PPP6R2: variants seen among roughly 807,000 people sequenced by gnomAD.
PPP6R2 encodes protein phosphatase 6 regulatory subunit 2, also known as serine/threonine-protein phosphatase 6 regulatory subunit 2.
Under a neutral mutation model 100.2 loss-of-function variants are expected in PPP6R2, and 62 were observed. The ratio of observed to expected loss-of-function variants is 0.62; its 90% CI spans 0.50 to 0.76. PPP6R2 has a LOEUF of 0.76. Ranked by LOEUF, PPP6R2 falls within the 30% of genes least tolerant of loss-of-function variation. The probability of loss-of-function intolerance (pLI) is 0.00; values close to 1 mark genes in which losing one functional copy is unlikely to be tolerated. For synonymous variants in PPP6R2, 525 were observed against 514.7 expected (o/e 1.02, Z -0.27); for missense variants, 1,142 against 1,276.3 (o/e 0.89, Z 1.60).
At chr22:50,354,616 C>G (rs969101619) in intron 1 of PPP6R2, among the ~76,000 whole-genome samples, 1 of 151,674 alleles carries the variant, frequency 6.6e-6, no homozygotes, top group Non-Finnish European at 1.5e-5. Flanking sequence ...ACCTGAGGTC[C>G]GGAGTTTGAG....
Position 50,423,755 on chromosome 22 carries a change from C to T in PPP6R2, c.1125+141C>T. 9.2e-7 allele frequency: 1 copy of T among 1,084,422 alleles called. No homozygotes were observed. The highest frequency in any genetic ancestry group is 1.5e-5 in the South Asian group (1 of 65,822). 67.2% of individuals were successfully genotyped at this position (1,084,422 alleles called of 1,614,324 possible). On this transcript the variant is annotated intron_variant, in intron 10 of 23. Coordinates refer to ENST00000612753, the MANE Select transcript of PPP6R2 (RefSeq NM_001242898.2). This position sits in a 1 kb window ranked among gnomAD's most constrained non-coding sequence, Gnocchi z 4.8. ...GAGGTTCCAGTCCCAAGTCCCAAGGCTGGACTACAGGTCTCTGGCGGGGCA... is the reference window on the plus strand; with the variant it reads ...GAGGTTCCAGTCCCAAGTCCCAAGGTTGGACTACAGGTCTCTGGCGGGGCA...
Position 50,406,677 on chromosome 22 carries a change from G to T in PPP6R2, c.228-12G>T, listed in dbSNP as rs766234809. On this transcript the variant is annotated splice_polypyrimidine_tract_variant and intron_variant, in intron 3 of 23. Transcript: ENST00000612753. ...TAATTTCACCTCCAGTGCTTGGACT[G>T]TGCCCTTTTAGATATCCAAACACAG... 1.2e-6 allele frequency: 2 copies of T among 1,610,152 alleles called. No individual in the cohort carries two copies. The highest frequency in any genetic ancestry group is 2.2e-5 in the South Asian group (2 of 91,030).
At chr22:50,356,668 C>G (rs889216993) in intron 1 of PPP6R2, among the ~76,000 whole-genome samples, 36 of 152,138 alleles carry the variant, frequency 2.4e-4, no homozygotes, top group African/African-American at 8.0e-4. Context: ...TGTGGTGGCT[C>G]ACGCCTGTAA....
chr22:50,440,678 T>C (rs2065373947), intron 21 of PPP6R2, 144 bp from the exon 22 acceptor site: 3 of 921,704 alleles, frequency 3.3e-6, no homozygotes, highest in Non-Finnish European at 5.1e-6. Flanking sequence ...GTCTGCCTCA[T>C]CATGCGGCTC....
At chr22:50,339,827 TA>T (rs2042350667), upstream of PPP6R2, among the ~76,000 whole-genome samples, 1 of 52,938 alleles carries the variant, frequency 1.9e-5, no homozygotes, top group Non-Finnish European at 3.2e-5. Context: ...GTGGGGTATG[TA>T]GTGTGTGTGG....
chr22:50,434,968 C>T lies in PPP6R2; in HGVS notation c.1403C>T (p.Ala468Val). 6.2e-7 allele frequency: 1 copy of T among 1,602,700 alleles called. No individual in the cohort carries two copies. The highest frequency in any genetic ancestry group is 8.5e-7 in the Non-Finnish European group (1 of 1,176,750). ...CCGATGGTGCCTGTTGCTTTCAGGG[C>T]AGCGGGTGGCATGAGACGTGGGAAC... ...EAWEANDHTQ[A>V]AGGMRRGNMG... Residue 468 changes from alanine (A) to valine (V), a missense_variant and splice_region_variant, in exon 13 of 24, where the codon GCA becomes GTA. Ala to Val is a moderately conservative substitution (Grantham distance 64). Coordinates refer to ENST00000612753, the MANE Select transcript of PPP6R2 (RefSeq NM_001242898.2).
At chr22:50,380,528 T>C (rs1330189906) in intron 2 of PPP6R2, among the ~76,000 whole-genome samples, 1 of 151,002 alleles carries the variant, frequency 6.6e-6, no homozygotes, top group Non-Finnish European at 1.5e-5. Flanking sequence ...ACGCAGCTAA[T>C]TTTTGTATTT....
At chr22:50,365,474 C>T (rs1182177114) in intron 1 of PPP6R2, among the ~76,000 whole-genome samples, 3 of 151,834 alleles carry the variant, frequency 2.0e-5, no homozygotes, top group Admixed American at 6.6e-5. Flanking sequence ...GTCAGGAGAT[C>T]GAGACCATCC....
chr22:50,339,147 TGTG>T (rs1222846095), upstream of PPP6R2, among the ~76,000 whole-genome samples: 2 of 137,930 alleles, frequency 1.5e-5, no homozygotes, highest in East Asian at 4.5e-4. Flanking sequence ...TGGTTTGTGG[TGTG>T]TGTGTGGTAT....
chr22:50,438,661 A>G lies in PPP6R2; in HGVS notation c.2027A>G (p.Asp676Gly). The change falls in exon 19 of 24, where the codon GAT becomes GGT. Residue 676 changes from aspartate (D) to glycine (G), a missense_variant. Asp to Gly is a moderately conservative substitution (Grantham distance 94). This residue lies in a region of PPP6R2 where 550 missense variants were observed against 517.4 expected (regional missense o/e 1.06). Coordinates refer to ENST00000612753, the MANE Select transcript of PPP6R2 (RefSeq NM_001242898.2). ...AATGGCCCAGAGCGTGGAGGCCAGGATGGGAAGGCGAGCTTGGAAGCACAC... is the reference window on the plus strand; with the variant it reads ...AATGGCCCAGAGCGTGGAGGCCAGGGTGGGAAGGCGAGCTTGGAAGCACAC... ...SKNGPERGGQDGKASLEAHRD... is the reference protein window; with the variant it reads ...SKNGPERGGQGGKASLEAHRD... 6.2e-7 allele frequency: 1 copy of G among 1,613,932 alleles called. No homozygotes were observed. Among genetic ancestry groups the G allele is most frequent in the South Asian group, 1.1e-5 (1 of 91,076 alleles).
chr22:50,358,387 T>C (rs1339577459), intron 1 of PPP6R2, among the ~76,000 whole-genome samples: 1 of 152,172 alleles, frequency 6.6e-6, no homozygotes, highest in Non-Finnish European at 1.5e-5. Flanking sequence ...CTTAAGAAAA[T>C]TTTGCCTGCA....
chr22:50,416,187 A>C (rs768068966), intron 6 of PPP6R2, 30 bp downstream of exon 6: 28 of 1,599,618 alleles, frequency 1.8e-5, no homozygotes, highest in Non-Finnish European at 2.3e-5. Context: ...AGCTTCGTGC[A>C]TCAGTCCAGG....
intron 1 of PPP6R2, among the ~76,000 whole-genome samples, chr22:50,355,328 C>G (rs1228235033): frequency 6.6e-6 from 1 of 150,964 alleles, no homozygotes; most frequent in Non-Finnish European, 1.5e-5. Context: ...AGCTCCGCCT[C>G]CCAGGTTCAT....
upstream of PPP6R2, among the ~76,000 whole-genome samples, chr22:50,338,441 G>A (rs976361772): frequency 2.2e-5 from 3 of 138,446 alleles, no homozygotes; most frequent in African/African-American, 8.8e-5. Flanking sequence ...TGTGTGTAGA[G>A]TGTGTGGTGT....
At chr22:50,408,947 T>G (rs2147238248) in intron 4 of PPP6R2, among the ~76,000 whole-genome samples, 1 of 152,342 alleles carries the variant, frequency 6.6e-6, no homozygotes, top group Admixed American at 6.5e-5. Context: ...AAACCCCGTC[T>G]CTACTAAAAA....
intron 6 of PPP6R2, among the ~76,000 whole-genome samples, chr22:50,417,439 T>A (rs1034292476): frequency 6.6e-6 from 1 of 152,088 alleles, no homozygotes; most frequent in Non-Finnish European, 1.5e-5. Flanking sequence ...GCACCTAAGG[T>A]GACAATGGGG....
At chr22:50,433,812 G>A (rs1211092574) in intron 12 of PPP6R2, among the ~76,000 whole-genome samples, 1 of 33,624 alleles carries the variant, frequency 3.0e-5, no homozygotes, top group Non-Finnish European at 5.5e-5. Context: ...GGCAGGGGCC[G>A]GGCATTTGCC....
chr22:50,355,687 A>AT (rs1285923223), intron 1 of PPP6R2, among the ~76,000 whole-genome samples: 1 of 146,068 alleles, frequency 6.8e-6, no homozygotes, highest in East Asian at 2.1e-4. Context: ...CACCCAGCTA[A>AT]TTTTTTTCTA....
intron 2 of PPP6R2, among the ~76,000 whole-genome samples, chr22:50,382,147 G>T (rs2053209788): frequency 6.6e-6 from 1 of 152,116 alleles, no homozygotes; most frequent in East Asian, 1.9e-4. Flanking sequence ...ATCAGAAAAA[G>T]GATAAAAAGA....
Sources: gnomAD v4.1 joint callset for allele counts (sites outside exome capture counted in the v4.1 genomes callset) on GRCh38, gnomAD v4.1.1 for gene constraint, gnomAD v4.1.1 regional missense constraint, Gnocchi (gnomAD v3.1) non-coding constraint, MANE v1.5 for transcripts, NCBI Gene and HGNC (gene_info 2026-07-23, HGNC 2026-07-21) for gene names.